NRG3: variants seen among roughly 807,000 people sequenced by gnomAD.
The protein encoded by NRG3 is pro-neuregulin-3, membrane-bound isoform.
A neutral mutation model predicts 66.9 loss-of-function variants in NRG3; 31 were observed. The observed-to-expected ratio is 0.46, with a 90% CI of 0.35 to 0.63. The LOEUF (loss-of-function observed/expected upper bound fraction) is 0.63, where lower values mean the gene tolerates loss of function less well. Among genes scored for constraint, NRG3 ranks in the 20% least tolerant of loss-of-function variants. The pLI, the probability that NRG3 is intolerant of heterozygous loss-of-function variation, is 0.00. For synonymous variants in NRG3, 393 were observed against 359.4 expected (o/e 1.09, Z -1.06); for missense variants, 910 against 878.9 (o/e 1.04, Z -0.45).
At chr10:82,820,157 G>A (rs977942113) in intron 3 of NRG3, among the ~76,000 whole-genome samples, 1 of 152,132 alleles carries the variant, frequency 6.6e-6, no homozygotes. Context: ...CCTTAAAGGG[G>A]AATTGACACT....
chr10:82,389,447 T>C (rs1804666148), intron 2 of NRG3, among the ~76,000 whole-genome samples: 1 of 152,214 alleles, frequency 6.6e-6, no homozygotes. Flanking sequence ...TTCTCATATC[T>C]TTATGCATTA....
At chr10:81,994,861 T>C (rs1008349873) in intron 1 of NRG3, among the ~76,000 whole-genome samples, 6 of 152,166 alleles carry the variant, frequency 3.9e-5, no homozygotes, top group Non-Finnish European at 8.8e-5. Flanking sequence ...GGATTTACTT[T>C]TTGTTTCTTC....
intron 6 of NRG3, among the ~76,000 whole-genome samples, chr10:82,969,532 T>C (rs1851534949): frequency 6.6e-6 from 1 of 152,210 alleles, no homozygotes; most frequent in Admixed American, 6.5e-5. Context: ...GTCATTTTCC[T>C]CCATTTTGCA....
intron 1 of NRG3, among the ~76,000 whole-genome samples, chr10:82,199,865 A>G (rs943611809): frequency 7.6e-6 from 1 of 132,432 alleles, no homozygotes; most frequent in African/African-American, 2.9e-5. Context: ...TGTGTTATTG[A>G]GAGTGTGCAT....
intron 2 of NRG3, among the ~76,000 whole-genome samples, chr10:82,737,043 AT>A (rs2058189888): frequency 1.3e-5 from 2 of 152,228 alleles, no homozygotes; most frequent in South Asian, 4.1e-4. Flanking sequence ...TTTATGACAA[AT>A]ATGACTCAGT....
intron 3 of NRG3, among the ~76,000 whole-genome samples, chr10:82,804,587 A>T (rs2061197390): frequency 6.6e-6 from 1 of 152,220 alleles, no homozygotes; most frequent in African/African-American, 2.4e-5. Context: ...ATCACACATG[A>T]GAAAATCAAT....
At chr10:82,180,422 C>A (rs1757192302) in intron 1 of NRG3, among the ~76,000 whole-genome samples, 2 of 151,536 alleles carry the variant, frequency 1.3e-5, no homozygotes, top group Admixed American at 6.6e-5. Flanking sequence ...TCCTTCTATT[C>A]CTAGTTTGTT....
chr10:82,333,720 G>A (rs2082251872), intron 1 of NRG3, among the ~76,000 whole-genome samples: 1 of 152,132 alleles, frequency 6.6e-6, no homozygotes, highest in Non-Finnish European at 1.5e-5. Flanking sequence ...TTGGTTCATA[G>A]GTAGGTACCC....
chr10:82,357,125 T>C (rs1476972410), intron 1 of NRG3, among the ~76,000 whole-genome samples: 2 of 152,228 alleles, frequency 1.3e-5, no homozygotes, highest in Non-Finnish European at 2.9e-5. Context: ...AATGAAGGTC[T>C]GGGAAGAAGG....
chr10:82,093,298 TA>T (rs1296217107), intron 1 of NRG3, among the ~76,000 whole-genome samples: 1 of 152,202 alleles, frequency 6.6e-6, no homozygotes, highest in African/African-American at 2.4e-5. Flanking sequence ...TAACTTGAAC[TA>T]AACATACCAT....
intron 2 of NRG3, among the ~76,000 whole-genome samples, chr10:82,539,173 G>A (rs1210226921): frequency 6.6e-6 from 1 of 152,168 alleles, no homozygotes; most frequent in African/African-American, 2.4e-5. Flanking sequence ...CTGTAACACT[G>A]CCTGAAAAGA....
intron 4 of NRG3, among the ~76,000 whole-genome samples, chr10:82,867,291 C>T (rs903617795): frequency 1.3e-5 from 2 of 152,152 alleles, no homozygotes; most frequent in South Asian, 4.1e-4. Context: ...TGCATCTAGC[C>T]AGCAGATTGA....
chr10:82,069,290 G>A (rs2064666658), intron 1 of NRG3, among the ~76,000 whole-genome samples: 1 of 152,136 alleles, frequency 6.6e-6, no homozygotes, highest in African/African-American at 2.4e-5. Context: ...CATGCACGAG[G>A]TACCAGATAC....
intron 4 of NRG3, among the ~76,000 whole-genome samples, chr10:82,895,154 A>G (rs1843528573): frequency 6.6e-6 from 1 of 152,134 alleles, no homozygotes; most frequent in Admixed American, 6.5e-5. Context: ...TGATGGGACT[A>G]GTTTTATGAT....
At chr10:82,771,678 C>T (rs1455081210) in intron 3 of NRG3, among the ~76,000 whole-genome samples, 3 of 152,156 alleles carry the variant, frequency 2.0e-5, no homozygotes, top group African/African-American at 7.2e-5. Context: ...TTAATCAGTG[C>T]TAAGTCCTGG....
At chr10:82,959,217 C>G (rs1850371126) in intron 6 of NRG3, 142 bp downstream of exon 6, 2 of 891,054 alleles carry the variant, frequency 2.2e-6, no homozygotes, top group South Asian at 2.9e-5. Flanking sequence ...CAGTTCTGGG[C>G]TGGGACGTAT....
At chr10:82,434,761 A>T (rs2090028432) in intron 2 of NRG3, among the ~76,000 whole-genome samples, 1 of 152,110 alleles carries the variant, frequency 6.6e-6, no homozygotes, top group Admixed American at 6.5e-5. Flanking sequence ...TGATTTGTGT[A>T]TGTTGAACCA....
intron 2 of NRG3, among the ~76,000 whole-genome samples, chr10:82,688,927 T>C (rs2054713430): frequency 6.6e-6 from 1 of 152,268 alleles, no homozygotes; most frequent in Non-Finnish European, 1.5e-5. Flanking sequence ...TTTCCACAGA[T>C]AGATGGAGAG....
intron 3 of NRG3, among the ~76,000 whole-genome samples, chr10:82,845,398 T>G (rs2135785720): frequency 6.6e-6 from 1 of 152,306 alleles, no homozygotes. Flanking sequence ...CCAGATGATT[T>G]CCTTTTTTAC....
Sources: allele counts gnomAD v4.1 joint callset (sites outside exome capture counted in the v4.1 genomes callset), GRCh38; gene constraint gnomAD v4.1.1; transcripts MANE v1.5; gene names NCBI Gene and HGNC (gene_info 2026-07-23, HGNC 2026-07-21).